SDK1: variants seen among roughly 807,000 people sequenced by gnomAD.
SDK1 encodes sidekick cell adhesion molecule 1, also known as protein sidekick-1.
SDK1 carries 157 observed loss-of-function variants against 245.5 expected under a neutral mutation model. That is an observed-to-expected ratio of 0.64 (90% CI 0.56 to 0.73). SDK1 has a LOEUF of 0.73. SDK1 is among the 30% of genes least tolerant of loss of function. The pLI is 0.00. For synonymous variants in SDK1, 1,647 were observed against 1,278.5 expected, an observed-to-expected ratio of 1.29 and a Z score of -6.15; for missense variants, 3,583 against 3,002.3, an observed-to-expected ratio of 1.19 and a Z score of -4.52.
At chr7:4,177,247 C>T (rs1475173598) in intron 34 of SDK1, among the ~76,000 whole-genome samples, 2 of 152,174 alleles carry the variant, frequency 1.3e-5, no homozygotes, top group African/African-American at 4.8e-5. Flanking sequence ...GCACAATTTG[C>T]AGGCCCAAGC....
At chr7:3,832,489 T>G (rs985186) in intron 5 of SDK1, among the ~76,000 whole-genome samples, 34,984 of 152,078 alleles carry the variant, frequency 0.23, 4,317 homozygotes, top group Middle Eastern at 0.37. Context: ...AAAATTGTAG[T>G]TCTTTACAAT....
At chr7:3,730,393 A>G (rs1859659) in intron 4 of SDK1, among the ~76,000 whole-genome samples, 1 of 152,112 alleles carries the variant, frequency 6.6e-6, no homozygotes, top group African/African-American at 2.4e-5. Flanking sequence ...AGTGAATAGA[A>G]CTTTGCCAAG....
rs373462733 is a variant in SDK1 at position 3,908,987 on chromosome 7, G to A, written c.848-41936G>A. 3.8e-3 allele frequency among the ~76,000 whole-genome samples: 571 copies of A among 152,214 alleles called. 8 individuals are homozygous for A. The highest frequency in any genetic ancestry group is 0.013 in the African/African-American group (554 of 41,544). Reference sequence around the variant, plus strand: ...CAGGAGATGGAGGTGAGCCTGCCCCGGATGGCTGCCCCCTGCTCAAGTGAG... The same window carrying A: ...CAGGAGATGGAGGTGAGCCTGCCCCAGATGGCTGCCCCCTGCTCAAGTGAG... On this transcript the variant is annotated intron_variant, in intron 5 of 44. Transcript: ENST00000404826.
chr7:3,686,901 T>C (rs535088172), intron 4 of SDK1, among the ~76,000 whole-genome samples: 1 of 152,286 alleles, frequency 6.6e-6, no homozygotes, highest in South Asian at 2.1e-4. Flanking sequence ...TGCCTGGCCC[T>C]GGAGCAACTG....
At chr7:3,807,911 C>A (rs1205012695) in intron 4 of SDK1, among the ~76,000 whole-genome samples, 1 of 152,162 alleles carries the variant, frequency 6.6e-6, no homozygotes, top group African/African-American at 2.4e-5. Flanking sequence ...ATGTACCAAT[C>A]ACCTTTTAAT....
At chr7:3,627,705 C>T (rs1187632244) in intron 2 of SDK1, among the ~76,000 whole-genome samples, 1 of 152,170 alleles carries the variant, frequency 6.6e-6, no homozygotes, top group Non-Finnish European at 1.5e-5. Flanking sequence ...CAGTCCTTGC[C>T]AACATGACCG....
At chr7:3,474,633 C>G (rs1009869988) in intron 1 of SDK1, among the ~76,000 whole-genome samples, 3 of 152,170 alleles carry the variant, frequency 2.0e-5, no homozygotes, top group African/African-American at 4.8e-5. Context: ...CCATCCATGT[C>G]TTTCCACCTC....
intron 30 of SDK1, among the ~76,000 whole-genome samples, chr7:4,153,454 C>T (rs560787580): frequency 1.4e-4 from 22 of 152,160 alleles, no homozygotes; most frequent in African/African-American, 5.1e-4. Context: ...GGCATGGTGG[C>T]ATGTGCCTGT....
intron 4 of SDK1, among the ~76,000 whole-genome samples, chr7:3,647,394 C>G (rs1219609902): frequency 1.3e-5 from 2 of 152,188 alleles, no homozygotes; most frequent in African/African-American, 4.8e-5. Flanking sequence ...GCCAGAGTCT[C>G]TTGCAGTTTA....
At chr7:3,689,088 T>A (rs974289728) in intron 4 of SDK1, among the ~76,000 whole-genome samples, 2 of 152,202 alleles carry the variant, frequency 1.3e-5, no homozygotes, top group African/African-American at 4.8e-5. Flanking sequence ...TTTTTCCAGT[T>A]CTACATGTGG....
intron 1 of SDK1, among the ~76,000 whole-genome samples, chr7:3,475,180 C>A (rs1299992941): frequency 6.6e-6 from 1 of 152,160 alleles, no homozygotes; most frequent in African/African-American, 2.4e-5. Context: ...CTAGTTAGTT[C>A]CAGGGTCTGG....
chr7:3,640,139 G>A (rs1344420652), intron 3 of SDK1, among the ~76,000 whole-genome samples: 1 of 152,210 alleles, frequency 6.6e-6, no homozygotes, highest in African/African-American at 2.4e-5. Context: ...GGGATTACAA[G>A]AGTGAGCTTG....
chr7:3,792,641 TCC>T (rs754494917), intron 4 of SDK1, among the ~76,000 whole-genome samples: 4,937 of 120,960 alleles, frequency 0.041, 229 homozygotes, highest in African/African-American at 0.13. Context: ...CATCCATCCA[TCC>T]ACCTGTCCAT....
At chr7:3,349,608 A>AT (rs1050544519) in intron 1 of SDK1, among the ~76,000 whole-genome samples, 9 of 151,180 alleles carry the variant, frequency 6.0e-5, no homozygotes, top group East Asian at 3.9e-4. Flanking sequence ...TGTATCTTTT[A>AT]TTTTTTTTTG....
chr7:3,765,295 A>G (rs1342309688), intron 4 of SDK1, among the ~76,000 whole-genome samples: 2 of 152,216 alleles, frequency 1.3e-5, no homozygotes, highest in Admixed American at 6.5e-5. Context: ...TGAATATACC[A>G]CCAATGAATT....
chr7:3,573,522 A>G (rs1022029605), intron 1 of SDK1, among the ~76,000 whole-genome samples: 7 of 152,090 alleles, frequency 4.6e-5, no homozygotes, highest in Non-Finnish European at 1.0e-4. Context: ...CTGAGAAACA[A>G]CAGCCTCCAC....
chr7:4,236,980 C>T (rs1246116057), intron 41 of SDK1, among the ~76,000 whole-genome samples: 1 of 152,220 alleles, frequency 6.6e-6, no homozygotes, highest in East Asian at 1.9e-4. Flanking sequence ...GATCGTGGCT[C>T]ACTACAGCCT....
chr7:4,196,271 C>A (rs1783571074), intron 35 of SDK1, among the ~76,000 whole-genome samples: 1 of 152,192 alleles, frequency 6.6e-6, no homozygotes, highest in African/African-American at 2.4e-5. Context: ...TGCAGCCCCG[C>A]CCTCGCTCAG....
At chr7:3,732,298 A>G (rs1779203174) in intron 4 of SDK1, among the ~76,000 whole-genome samples, 1 of 152,224 alleles carries the variant, frequency 6.6e-6, no homozygotes, top group African/African-American at 2.4e-5. Flanking sequence ...GGGTATTTAT[A>G]GGCATGTGTA....
Sources: allele counts gnomAD v4.1 joint callset (sites outside exome capture counted in the v4.1 genomes callset), GRCh38; gene constraint gnomAD v4.1.1; transcripts MANE v1.5; gene names NCBI Gene and HGNC (gene_info 2026-07-23, HGNC 2026-07-21).